Variants in PCDHGB2 observed in about 807,000 individuals in gnomAD.
PCDHGB2 encodes protocadherin gamma-B2.
A neutral mutation model predicts 59.3 loss-of-function variants in PCDHGB2; 55 were observed. That is an observed-to-expected ratio of 0.93 (90% CI 0.75 to 1.16). The LOEUF (loss-of-function observed/expected upper bound fraction) is 1.16. Among genes scored for constraint, PCDHGB2 ranks in the 50% most tolerant of loss-of-function variants. The pLI is 0.00. For synonymous variants in PCDHGB2, 516 were observed against 512.0 expected, an observed-to-expected ratio of 1.01 and a Z score of -0.11; for missense variants, 1,228 against 1,198.5, an observed-to-expected ratio of 1.02 and a Z score of -0.36.
intron 1 of PCDHGB2, chr5:141,371,896 T>C (rs760450150): frequency 1.2e-6 from 2 of 1,613,426 alleles, no homozygotes; most frequent in Admixed American, 1.7e-5. Flanking sequence ...CCGCGGGAGC[T>C]GTCGTCCTAC....
In PCDHGB2 at chr5:141,487,743, G is replaced by C. The variant is rs1424889718; in HGVS notation, c.2422-7064G>C. The C allele has an allele frequency of 1.9e-6, 3 of 1,559,988 alleles. No homozygotes were observed. Among genetic ancestry groups the C allele is most frequent in the Non-Finnish European group, 2.6e-6 (3 of 1,150,774 alleles). ...AGTGATGTCACCATTTTTGTAAGAG[G>C]TAACTATGTGGTAGACGCTGTGCTT... On this transcript the variant is annotated intron_variant, in intron 1 of 3. Transcript: ENST00000522605. The surrounding 1 kb of genome is among the most constrained non-coding windows in gnomAD (Gnocchi z 5.0).
chr5:141,420,804 G>C (rs1283868316), intron 1 of PCDHGB2, among the ~76,000 whole-genome samples: 1 of 152,188 alleles, frequency 6.6e-6, no homozygotes, highest in Non-Finnish European at 1.5e-5. Context: ...TAAAAATTAA[G>C]CAAGCCCTTT....
At chr5:141,461,974 C>T (rs2099027742) in intron 1 of PCDHGB2, among the ~76,000 whole-genome samples, 1 of 152,202 alleles carries the variant, frequency 6.6e-6, no homozygotes, top group Non-Finnish European at 1.5e-5. Context: ...CAGGCATATG[C>T]CACCACGCCA....
At chr5:141,399,944 A>G (rs769384438) in intron 1 of PCDHGB2, 2 of 1,612,254 alleles carry the variant, frequency 1.2e-6, no homozygotes, top group South Asian at 2.2e-5. Context: ...CACGTGCTGC[A>G]GGCTAGCGAG....
intron 1 of PCDHGB2, chr5:141,403,027 G>C: frequency 1.2e-6 from 2 of 1,614,070 alleles, no homozygotes; most frequent in Non-Finnish European, 1.7e-6. Flanking sequence ...TGCTATGGGA[G>C]GCCAGGGCCA....
chr5:141,476,184 T>C lies in PCDHGB2; in HGVS notation c.2422-18623T>C, dbSNP rs1038598087. ...AGGGTAGTGGGAGTTTTGCTTCTGC[T>C]TGGTGCCTTGAACAAGGCTTCCACG... On this transcript the variant is annotated intron_variant, in intron 1 of 3. Coordinates refer to ENST00000522605, the MANE Select transcript of PCDHGB2 (RefSeq NM_018923.3). The surrounding 1 kb of genome is among the most constrained non-coding windows in gnomAD (Gnocchi z 7.6). 1 of 1,613,708 alleles carries C rather than the reference T, an allele frequency of 6.2e-7. No homozygotes were observed. Among genetic ancestry groups the C allele is most frequent in the Non-Finnish European group, 8.5e-7 (1 of 1,179,992 alleles).
At chr5:141,492,121 C>G (rs1205499685) in intron 1 of PCDHGB2, among the ~76,000 whole-genome samples, 1 of 152,232 alleles carries the variant, frequency 6.6e-6, no homozygotes, top group Non-Finnish European at 1.5e-5. Context: ...CGATTTCTCC[C>G]CAGCTCCCAG....
At position 141,477,924 on chromosome 5, in the gene PCDHGB2, A is replaced by G; in HGVS notation, c.2422-16883A>G. 1 of 1,614,140 alleles carries G rather than the reference A, an allele frequency of 6.2e-7. No homozygotes were observed. On this transcript the variant is annotated intron_variant, in intron 1 of 3. Transcript: ENST00000522605. The surrounding 1 kb of genome is among the most constrained non-coding windows in gnomAD (Gnocchi z 4.9). ...GGCTGGGACGCGGATGCAGGGCACA[A>G]TGCCTGGCTCTCCTACAGTCTCTTG...
In PCDHGB2 at chr5:141,362,050, C is replaced by G. The variant is rs750121912; in HGVS notation, c.1915C>G (p.Arg639Gly). 5.0e-6 allele frequency: 8 copies of G among 1,611,220 alleles called. No homozygotes were observed. Among genetic ancestry groups the G allele is most frequent in the Admixed American group, 1.7e-5 (1 of 59,864 alleles). Residue 639 changes from arginine (R) to glycine (G), a missense_variant, in exon 1 of 4, where the codon CGC (arginine) becomes GGC (glycine). Arg to Gly is a moderately radical substitution (Grantham distance 125). This residue lies in a region of PCDHGB2 where 433 missense variants were observed against 441.8 expected (regional missense o/e 0.98). Transcript: ENST00000522605. ...TGCCTTGGGCGACAGGGACGCGGCC[C>G]GCCAGCGCCTGCTGGTCGCTGTGCG... is the stretch of plus-strand genomic sequence containing the variant. ...ARALGDRDAA[R>G]QRLLVAVRDG... is the part of the protein sequence containing the mutation.
intron 2 of PCDHGB2, among the ~76,000 whole-genome samples, chr5:141,496,991 G>T (rs1164558685): frequency 6.6e-6 from 1 of 151,902 alleles, no homozygotes; most frequent in African/African-American, 2.4e-5. Context: ...TTTGAGACCA[G>T]CCTGGCAGCC....
intron 1 of PCDHGB2, chr5:141,409,251 C>T (rs2095247124): frequency 6.2e-7 from 1 of 1,613,922 alleles, no homozygotes; most frequent in Non-Finnish European, 8.5e-7. Context: ...ATAATCATCA[C>T]TTCTCTCTCT....
chr5:141,493,206 C>A lies in PCDHGB2; in HGVS notation c.2422-1601C>A, dbSNP rs191090598. Among the ~76,000 whole-genome samples the A allele has an allele frequency of 2.4e-3, 368 of 152,322 alleles. 2 individuals carry two copies. Among genetic ancestry groups the A allele is most frequent in the Admixed American group, 4.5e-3 (69 of 15,296 alleles). On this transcript the variant is annotated intron_variant, in intron 1 of 3. Transcript: ENST00000522605. This position sits in a 1 kb window ranked among gnomAD's most constrained non-coding sequence, Gnocchi z 4.3. ...TATAACTCCTTTGAGAACCTCATCT[C>A]ATTTGCTCTTCCCACCATTGCTGTT...
chr5:141,382,401 A>C (rs1778173427), intron 1 of PCDHGB2, among the ~76,000 whole-genome samples: 1 of 152,232 alleles, frequency 6.6e-6, no homozygotes, highest in Non-Finnish European at 1.5e-5. Context: ...TCCCATGTGC[A>C]ATAACGTGTG....
chr5:141,374,438 G>T (rs760020224), intron 1 of PCDHGB2: 3 of 1,613,736 alleles, frequency 1.9e-6, no homozygotes, highest in Non-Finnish European at 2.5e-6. Flanking sequence ...TCTTTATCCC[G>T]TGGAAGTGGA....
intron 1 of PCDHGB2, chr5:141,364,603 C>G: frequency 6.2e-7 from 1 of 1,614,180 alleles, no homozygotes; most frequent in Non-Finnish European, 8.5e-7. Flanking sequence ...GCAGGATAGA[C>G]CGGGAGGAGC....
chr5:141,400,221 C>T (rs377228541), intron 1 of PCDHGB2: 36 of 1,614,060 alleles, frequency 2.2e-5, no homozygotes, highest in Admixed American at 6.7e-5. Flanking sequence ...TCTCAGTGCT[C>T]TTCCTCCTGG....
At chr5:141,405,499 A>C in intron 1 of PCDHGB2, 9 of 782,122 alleles carry the variant, frequency 1.2e-5, no homozygotes, top group Non-Finnish European at 1.8e-5. Context: ...GGCTCATTGC[A>C]ACCTCCGCCT....
At chr5:141,429,164 G>A (rs2097189096) in intron 1 of PCDHGB2, 1 of 131,392 alleles carries the variant, frequency 7.6e-6, no homozygotes, top group African/African-American at 3.1e-5. Flanking sequence ...CGGAGACATT[G>A]TTTATACACA....
chr5:141,473,117 C>A (rs976493841), intron 1 of PCDHGB2, among the ~76,000 whole-genome samples: 4 of 152,140 alleles, frequency 2.6e-5, no homozygotes, highest in Admixed American at 1.3e-4. Flanking sequence ...CTTTACTTGG[C>A]TCTTTGGCAA....
Sources: allele counts gnomAD v4.1 joint callset (sites outside exome capture counted in the v4.1 genomes callset), GRCh38; gene constraint gnomAD v4.1.1; regional missense constraint gnomAD v4.1.1; non-coding constraint Gnocchi (gnomAD v3.1); transcripts MANE v1.5; gene names NCBI Gene and HGNC (gene_info 2026-07-23, HGNC 2026-07-21).